Variants in IQCM observed in about 807,000 individuals in gnomAD.
The protein encoded by IQCM is IQ motif containing M.
IQCM carries 45 observed loss-of-function variants against 57.6 expected under a neutral mutation model. That is an observed-to-expected ratio of 0.78 (90% confidence interval 0.62 to 1.00). IQCM has a LOEUF of 1.00. IQCM is among the 50% of genes least tolerant of loss of function. IQCM has a pLI of 0.00. For missense variants in IQCM, 468 were observed against 511.6 expected (o/e 0.91, Z 0.82); for synonymous variants, 148 against 158.9 (o/e 0.93, Z 0.51).
chr4:149,502,590 C>T (rs1743367268), intron 12 of IQCM, among the ~76,000 whole-genome samples: 1 of 152,120 alleles, frequency 6.6e-6, no homozygotes, highest in Non-Finnish European at 1.5e-5. Context: ...GTGAGGATCA[C>T]CTGAGCCCTA....
At chr4:149,365,900 C>T (rs1410385875) in intron 13 of IQCM, among the ~76,000 whole-genome samples, 1 of 152,038 alleles carries the variant, frequency 6.6e-6, no homozygotes, top group Non-Finnish European at 1.5e-5. Flanking sequence ...GAATTAGATG[C>T]TGGAATGGAA....
chr4:149,605,745 A>T (rs976825546), intron 8 of IQCM, among the ~76,000 whole-genome samples: 3 of 152,092 alleles, frequency 2.0e-5, no homozygotes, highest in African/African-American at 7.2e-5. Context: ...ACTCAATGTG[A>T]CACCAGCTGT....
chr4:149,788,656 A>G (rs1438838461), intron 2 of IQCM, among the ~76,000 whole-genome samples: 2 of 152,222 alleles, frequency 1.3e-5, no homozygotes, highest in African/African-American at 4.8e-5. Flanking sequence ...ATTTATCCAA[A>G]GGAAATGAAG....
intron 12 of IQCM, among the ~76,000 whole-genome samples, chr4:149,453,667 TACC>T (rs1462610675): frequency 6.6e-6 from 1 of 151,934 alleles, no homozygotes; most frequent in African/African-American, 2.4e-5. Flanking sequence ...CACAATGAGA[TACC>T]ACTTCACATC....
rs532172374 is a variant in IQCM at position 149,508,217 on chromosome 4, C to T, written c.1228+40238G>A. Among the ~76,000 whole-genome samples, 31 of 152,080 alleles carry T rather than the reference C, an allele frequency of 2.0e-4. 1 individual carries two copies. The South Asian group carries it at 6.2e-3, about 31-fold the overall frequency. The stretch of plus-strand genomic sequence containing the variant: ...ATGGAAAGGAAATGTGGGGTCAGAG[C>T]CCCCAAACAAAGTCCCTACTGTGGC... On this transcript the variant is annotated intron_variant, in intron 12 of 13. Transcript: ENST00000636793.
chr4:149,669,907 G>A (rs770707925), intron 7 of IQCM, among the ~76,000 whole-genome samples: 1 of 152,168 alleles, frequency 6.6e-6, no homozygotes, highest in Non-Finnish European at 1.5e-5. Context: ...AAGTCAGGTA[G>A]CATGATGCCT....
intron 12 of IQCM, among the ~76,000 whole-genome samples, chr4:149,509,139 T>C (rs1429734052): frequency 6.6e-6 from 1 of 152,164 alleles, no homozygotes; most frequent in East Asian, 1.9e-4. Context: ...AACAGACTAA[T>C]ATACCAGCCT....
rs556751859 is a variant in IQCM at position 149,673,363 on chromosome 4, G to A, written c.565+8755C>T. On this transcript the variant is annotated intron_variant, in intron 7 of 13. Coordinates refer to ENST00000636793, the MANE Select transcript of IQCM (RefSeq NM_001363507.2). ...AAGAGTCAAGATCCATCAGTGTGCT[G>A]TATTCAGGAAACCCATCTCACGTGC... 1.9e-3 allele frequency among the ~76,000 whole-genome samples: 284 copies of A among 152,114 alleles called. 1 individual carries two copies. The highest frequency in any genetic ancestry group is 6.7e-3 in the African/African-American group (278 of 41,488).
chr4:149,444,942 T>C (rs1159081059), intron 12 of IQCM, among the ~76,000 whole-genome samples: 1 of 151,954 alleles, frequency 6.6e-6, no homozygotes, highest in South Asian at 2.1e-4. Flanking sequence ...AAAGAACTAC[T>C]GTTCATTAAA....
chr4:149,414,289 C>T (rs1197217447), intron 13 of IQCM, among the ~76,000 whole-genome samples: 2 of 152,118 alleles, frequency 1.3e-5, no homozygotes, highest in Non-Finnish European at 2.9e-5. Flanking sequence ...AGTATGTGGT[C>T]AATTCTACTG....
At chr4:149,423,136 C>A (rs1172815873) in intron 13 of IQCM, among the ~76,000 whole-genome samples, 1 of 151,998 alleles carries the variant, frequency 6.6e-6, no homozygotes, top group Non-Finnish European at 1.5e-5. Flanking sequence ...AAAGAACTTC[C>A]TTGAGGCTGG....
chr4:149,389,521 T>C (rs980626474), intron 13 of IQCM, among the ~76,000 whole-genome samples: 1 of 151,596 alleles, frequency 6.6e-6, no homozygotes, highest in African/African-American at 2.4e-5. Flanking sequence ...TGGAATACTA[T>C]GCAGCCATAA....
intron 13 of IQCM, among the ~76,000 whole-genome samples, chr4:149,364,068 C>T (rs1015343884): frequency 2.0e-5 from 3 of 152,042 alleles, no homozygotes; most frequent in Non-Finnish European, 4.4e-5. Flanking sequence ...GGCATAAGAA[C>T]CCTTTCCAAT....
chr4:149,410,146 C>G (rs28756884), intron 13 of IQCM, among the ~76,000 whole-genome samples: 70,450 of 151,914 alleles, frequency 0.46, 16,548 homozygotes, highest in East Asian at 0.51. Context: ...TTGCGCCACT[C>G]CACTCCAGCC....
At chr4:149,679,374 AG>A (rs1288639562) in intron 7 of IQCM, among the ~76,000 whole-genome samples, 1 of 151,618 alleles carries the variant, frequency 6.6e-6, no homozygotes, top group Non-Finnish European at 1.5e-5. Context: ...GAGGCCATGA[AG>A]GGCAGGGAGG....
chr4:149,667,771 C>T (rs1005535697), intron 7 of IQCM, among the ~76,000 whole-genome samples: 3 of 151,768 alleles, frequency 2.0e-5, no homozygotes, highest in Admixed American at 1.3e-4. Flanking sequence ...AGCACAAGAA[C>T]TTCGTGAAGC....
chr4:149,403,449 G>A (rs1440908917), intron 13 of IQCM, among the ~76,000 whole-genome samples: 2 of 151,952 alleles, frequency 1.3e-5, no homozygotes, highest in Non-Finnish European at 2.9e-5. Context: ...TTAGTTTAAA[G>A]GATCTTCAAT....
chr4:149,417,332 G>C (rs1339612116), intron 13 of IQCM, among the ~76,000 whole-genome samples: 5 of 152,054 alleles, frequency 3.3e-5, no homozygotes, highest in African/African-American at 1.2e-4. Context: ...AGATTCCCTG[G>C]AGATCTATCT....
chr4:149,355,853 C>A (rs1463526065), intron 13 of IQCM, among the ~76,000 whole-genome samples: 1 of 152,036 alleles, frequency 6.6e-6, no homozygotes, highest in African/African-American at 2.4e-5. Flanking sequence ...AGTTTACAGT[C>A]CCACCAACAG....
Sources: gnomAD v4.1 joint callset for allele counts (sites outside exome capture counted in the v4.1 genomes callset) on GRCh38, gnomAD v4.1.1 for gene constraint, MANE v1.5 for transcripts, NCBI Gene and HGNC (gene_info 2026-07-23, HGNC 2026-07-21) for gene names.